Variants in DACH2 observed in about 807,000 individuals in gnomAD.
The protein encoded by DACH2 is dachshund homolog 2.
In DACH2, 17 loss-of-function variants were observed where a neutral mutation model predicts 35.8. The ratio of observed to expected loss-of-function variants is 0.48; its 90% CI spans 0.33 to 0.71. The LOEUF (loss-of-function observed/expected upper bound fraction) is 0.71, where lower values mean the gene tolerates loss of function less well. Ranked by LOEUF, DACH2 falls within the 30% of genes least tolerant of loss-of-function variation. DACH2 has a pLI of 0.02. For synonymous variants in DACH2, 195 were observed against 177.3 expected (o/e 1.10, Z -0.79); for missense variants, 469 against 472.7 (o/e 0.99, Z 0.07).
intron 7 of DACH2, among the ~76,000 whole-genome samples, chrX:86,755,810 G>C (rs1433969239): frequency 2.8e-5 from 3 of 109,025 alleles, no homozygotes; most frequent in Non-Finnish European, 5.7e-5. Flanking sequence ...TGTTAGCCAG[G>C]ATGGTCTTGA....
intron 1 of DACH2, among the ~76,000 whole-genome samples, chrX:86,360,685 T>C (rs1212325035): frequency 3.8e-5 from 3 of 78,294 alleles, no homozygotes; most frequent in Non-Finnish European, 7.7e-5. Flanking sequence ...CTGAGAAGAA[T>C]TGAATCTATC....
chrX:86,227,027 T>C (rs191542091), intron 1 of DACH2, among the ~76,000 whole-genome samples: 1 of 111,351 alleles, frequency 9.0e-6, no homozygotes, highest in Admixed American at 9.6e-5. Flanking sequence ...AAAAGTAATA[T>C]CCTACCCACT....
chrX:86,513,912 T>C (rs999734991), intron 2 of DACH2, among the ~76,000 whole-genome samples: 1 of 111,817 alleles, frequency 8.9e-6, no homozygotes, highest in African/African-American at 3.3e-5. Context: ...TAATCTTAAT[T>C]CTGTGAGTCA....
intron 7 of DACH2, among the ~76,000 whole-genome samples, chrX:86,804,462 A>G (rs1158719871): frequency 9.0e-6 from 1 of 111,593 alleles, no homozygotes; most frequent in Non-Finnish European, 1.9e-5. Flanking sequence ...AGGTAAGGAC[A>G]CAGATCCAAA....
At chrX:86,769,633 T>A (rs1467478255) in intron 7 of DACH2, among the ~76,000 whole-genome samples, 3 of 111,957 alleles carry the variant, frequency 2.7e-5, no homozygotes, top group South Asian at 3.7e-4. Flanking sequence ...ATACTTTTTT[T>A]AAATTCTAGG....
chrX:86,638,954 C>T (rs928627647), intron 3 of DACH2, among the ~76,000 whole-genome samples: 1 of 111,918 alleles, frequency 8.9e-6, no homozygotes, highest in Non-Finnish European at 1.9e-5. Context: ...AATATACCTA[C>T]ACTTATATGT....
At chrX:86,339,331 T>C in intron 1 of DACH2, among the ~76,000 whole-genome samples, 1 of 112,152 alleles carries the variant, frequency 8.9e-6, no homozygotes, top group South Asian at 3.7e-4. Flanking sequence ...TTTACCATTC[T>C]ATAGTTTTAA....
chrX:86,467,546 T>C (rs776112098), intron 2 of DACH2, among the ~76,000 whole-genome samples: 2 of 111,796 alleles, frequency 1.8e-5, no homozygotes, highest in South Asian at 7.5e-4. Context: ...TGTATTCTTC[T>C]GAGCCCTCCA....
intron 3 of DACH2, among the ~76,000 whole-genome samples, chrX:86,582,591 C>A (rs1285793556): frequency 9.1e-6 from 1 of 110,442 alleles, no homozygotes; most frequent in East Asian, 2.8e-4. Context: ...CATCTCTATG[C>A]ACACAACTAG....
At chrX:86,788,419 G>T (rs1402598787) in intron 7 of DACH2, among the ~76,000 whole-genome samples, 7 of 110,828 alleles carry the variant, frequency 6.3e-5, no homozygotes, top group African/African-American at 2.3e-4. Context: ...GTGGGGTGTG[G>T]GTCTCTTGCC....
At chrX:86,241,411 G>A (rs1029229582) in intron 1 of DACH2, among the ~76,000 whole-genome samples, 1 of 111,836 alleles carries the variant, frequency 8.9e-6, no homozygotes, top group Non-Finnish European at 1.9e-5. Context: ...TATGGAGGAA[G>A]AAATTTCTAA....
chrX:86,651,193 C>T lies in DACH2; in HGVS notation c.772+26C>T, dbSNP rs759161793. ...GTGAGTGTCTTCCAGAATCCCAGAC[C>T]AATGACTCTTACTGTTCTATTGTGG... is the stretch of plus-strand genomic sequence containing the variant. On this transcript the variant is annotated intron_variant, in intron 4 of 11. Coordinates refer to ENST00000373125, the MANE Select transcript of DACH2 (RefSeq NM_053281.3). The T allele has an allele frequency of 2.5e-6, 3 of 1,193,390 alleles. No homozygotes were observed. In the East Asian group the frequency reaches 9.1e-5, roughly 36 times the overall value.
At chrX:86,647,166 C>T (rs2040425655) in intron 3 of DACH2, among the ~76,000 whole-genome samples, 1 of 110,048 alleles carries the variant, frequency 9.1e-6, no homozygotes, top group Non-Finnish European at 1.9e-5. Context: ...TCCAACGATC[C>T]CACTTCTGAA....
In DACH2 at chrX:86,617,735, A is replaced by G. The variant is rs148765157; in HGVS notation, c.641-33301A>G. Among the ~76,000 whole-genome samples, 552 of 112,068 alleles carry G rather than the reference A, an allele frequency of 4.9e-3. 1 individual carries two copies. The highest frequency in any genetic ancestry group is 0.017 in the African/African-American group (533 of 30,881). On this transcript the variant is annotated intron_variant, in intron 3 of 11. Coordinates refer to ENST00000373125, the MANE Select transcript of DACH2 (RefSeq NM_053281.3). ...CAAGTACTATAAAATGTGAATTATC[A>G]ATGCAGAATAAGGGTTTTTCTGACT... is the stretch of plus-strand genomic sequence containing the variant.
chrX:86,427,773 A>G (rs1430974388), intron 2 of DACH2, among the ~76,000 whole-genome samples: 3 of 112,125 alleles, frequency 2.7e-5, no homozygotes, highest in African/African-American at 9.7e-5. Context: ...CAAAAAATGG[A>G]AATAAAACAA....
At chrX:86,450,283 C>T (rs1341005919) in intron 2 of DACH2, among the ~76,000 whole-genome samples, 2 of 111,095 alleles carry the variant, frequency 1.8e-5, no homozygotes, top group Non-Finnish European at 3.8e-5. Context: ...TCCATGTGTT[C>T]TTATCATTCA....
At chrX:86,408,026 T>C (rs1242596124) in intron 2 of DACH2, among the ~76,000 whole-genome samples, 3 of 111,163 alleles carry the variant, frequency 2.7e-5, no homozygotes, top group Non-Finnish European at 3.8e-5. Flanking sequence ...GCCATTTGAC[T>C]GAATGTACAG....
At chrX:86,568,588 T>C (rs1386199156) in intron 3 of DACH2, among the ~76,000 whole-genome samples, 1 of 111,724 alleles carries the variant, frequency 9.0e-6, no homozygotes, top group East Asian at 2.8e-4. Context: ...TTGAGTTATC[T>C]GTTTTTAGAA....
intron 1 of DACH2, among the ~76,000 whole-genome samples, chrX:86,325,159 C>T (rs771417576): frequency 7.2e-5 from 8 of 111,231 alleles, no homozygotes; most frequent in Non-Finnish European, 1.3e-4. Context: ...AAACCCAACC[C>T]GTAATATCTC....
Sources: allele counts gnomAD v4.1 joint callset (sites outside exome capture counted in the v4.1 genomes callset), GRCh38; gene constraint gnomAD v4.1.1; transcripts MANE v1.5; gene names NCBI Gene and HGNC (gene_info 2026-07-23, HGNC 2026-07-21).